RGS7: variants seen among roughly 807,000 people sequenced by gnomAD.
RGS7 encodes the protein regulator of G protein signaling 7, also known as regulator of G-protein signaling 7.
RGS7 carries 27 observed loss-of-function variants against 81.1 expected under a neutral mutation model. The ratio of observed to expected loss-of-function variants is 0.33; its 90% CI spans 0.25 to 0.46. The LOEUF (loss-of-function observed/expected upper bound fraction) is 0.46, where lower values mean the gene tolerates loss of function less well. Among genes scored for constraint, RGS7 ranks in the 20% least tolerant of loss-of-function variants. The pLI is 1.00. For synonymous variants in RGS7, 208 were observed against 207.7 expected (o/e 1.00, Z -0.01); for missense variants, 396 against 607.4 (o/e 0.65, Z 3.66).
chr1:240,821,752 C>T (rs1167994065), intron 10 of RGS7, among the ~76,000 whole-genome samples: 2 of 152,164 alleles, frequency 1.3e-5, no homozygotes, highest in African/African-American at 4.8e-5. Flanking sequence ...TTCACTGATG[C>T]TGTTAACTGT....
chr1:241,113,240 T>C (rs189014483), intron 2 of RGS7, among the ~76,000 whole-genome samples: 18 of 152,206 alleles, frequency 1.2e-4, no homozygotes, highest in African/African-American at 3.9e-4. Context: ...TATGAAGAAA[T>C]GAATAAAAAA....
chr1:241,215,684 A>G (rs1164533449), intron 2 of RGS7, among the ~76,000 whole-genome samples: 1 of 152,186 alleles, frequency 6.6e-6, no homozygotes, highest in Non-Finnish European at 1.5e-5. Context: ...ATTATTCGGG[A>G]AGTCCTCGTA....
At chr1:240,784,647 AAAAAAAAAAGATTTTTTTTTTTTTG>A (rs1216551755) in intron 18 of RGS7, among the ~76,000 whole-genome samples, 1 of 146,602 alleles carries the variant, frequency 6.8e-6, no homozygotes, top group African/African-American at 2.6e-5. Context: ...CTCCGCCTCA[AAAAAAAAAAGATTTTTTTTTTTTTG>A]AAAAAAAATT....
intron 17 of RGS7, 68 bp downstream of exon 17, chr1:240,801,387 G>T: frequency 9.6e-7 from 1 of 1,045,744 alleles, no homozygotes; most frequent in Non-Finnish European, 1.5e-6. Context: ...AACAGGGCTA[G>T]AAATAGGGAA....
intron 3 of RGS7, among the ~76,000 whole-genome samples, chr1:241,041,463 A>G (rs1158306549): frequency 1.3e-5 from 2 of 152,058 alleles, no homozygotes; most frequent in Non-Finnish European, 2.9e-5. Context: ...ACTTTCTCTC[A>G]TGAGTATTTT....
intron 10 of RGS7, among the ~76,000 whole-genome samples, chr1:240,819,462 C>T (rs552035722): frequency 8.5e-5 from 13 of 152,200 alleles, no homozygotes; most frequent in South Asian, 8.3e-4. Flanking sequence ...GATACGAGGC[C>T]GGGCGTGGTG....
At chr1:241,199,656 T>C (rs1382248792) in intron 2 of RGS7, among the ~76,000 whole-genome samples, 1 of 148,540 alleles carries the variant, frequency 6.7e-6, no homozygotes. Flanking sequence ...TCTAGTCCTC[T>C]TCCCTTTCAA....
chr1:241,213,719 G>T (rs2074383644), intron 2 of RGS7, among the ~76,000 whole-genome samples: 1 of 152,114 alleles, frequency 6.6e-6, no homozygotes, highest in Admixed American at 6.5e-5. Flanking sequence ...ACAATACTTT[G>T]TCATTAATGT....
intron 3 of RGS7, among the ~76,000 whole-genome samples, chr1:241,046,911 G>A (rs576747579): frequency 6.6e-6 from 1 of 152,140 alleles, no homozygotes; most frequent in East Asian, 1.9e-4. Context: ...ACGTTCTACT[G>A]CCCATAGATC....
chr1:241,025,017 T>C (rs1441486435), intron 3 of RGS7, among the ~76,000 whole-genome samples: 1 of 152,238 alleles, frequency 6.6e-6, no homozygotes, highest in African/African-American at 2.4e-5. Context: ...CCCTGGGAAT[T>C]TGCCTTTGGG....
rs554917680 is a variant in RGS7 at position 240,811,406 on chromosome 1, T to G, written c.1082+512A>C. On this transcript the variant is annotated intron_variant, in intron 14 of 18. Coordinates refer to ENST00000440928, the MANE Select transcript of RGS7 (RefSeq NM_001364886.1). ...TGTCACTCTCTCACGAACAGCTCAA[T>G]GCTGTGCTGCTCTCAATTGCCCTGT... is the stretch of plus-strand genomic sequence containing the variant. 2.6e-5 allele frequency among the ~76,000 whole-genome samples: 4 copies of G among 152,362 alleles called. No homozygotes were observed. The East Asian group carries it at 7.7e-4, about 29-fold the overall frequency.
chr1:240,897,378 T>G (rs1449261751), intron 6 of RGS7, among the ~76,000 whole-genome samples: 3 of 152,224 alleles, frequency 2.0e-5, no homozygotes, highest in Non-Finnish European at 4.4e-5. Context: ...AAGGGAATGC[T>G]TCCAGTTTTT....
chr1:240,944,800 G>A (rs1349989188), intron 4 of RGS7, among the ~76,000 whole-genome samples: 8 of 152,166 alleles, frequency 5.3e-5, no homozygotes, highest in African/African-American at 1.4e-4. Context: ...TGCAACCTCC[G>A]CCTTCCAGGT....
chr1:240,883,364 A>G (rs1666767627), intron 6 of RGS7, among the ~76,000 whole-genome samples: 1 of 152,204 alleles, frequency 6.6e-6, no homozygotes, highest in Non-Finnish European at 1.5e-5. Context: ...ACAAAAAACA[A>G]TGTCACTATA....
At chr1:240,924,249 T>G (rs1674055585) in intron 6 of RGS7, among the ~76,000 whole-genome samples, 1 of 152,222 alleles carries the variant, frequency 6.6e-6, no homozygotes, top group African/African-American at 2.4e-5. Flanking sequence ...TTATCATGTA[T>G]GAAAGATGTA....
intron 9 of RGS7, among the ~76,000 whole-genome samples, chr1:240,838,233 T>A (rs1002660807): frequency 6.6e-6 from 1 of 152,198 alleles, no homozygotes; most frequent in Non-Finnish European, 1.5e-5. Context: ...TGCTGTTTCC[T>A]CACATGGTGG....
intron 3 of RGS7, among the ~76,000 whole-genome samples, chr1:241,097,539 G>A (rs1222028686): frequency 6.6e-6 from 1 of 151,996 alleles, no homozygotes; most frequent in African/African-American, 2.4e-5. Context: ...CTTGATCCTG[G>A]TCATGAGGAA....
At chr1:240,810,588 A>T (rs898578587) in intron 14 of RGS7, among the ~76,000 whole-genome samples, 3 of 151,814 alleles carry the variant, frequency 2.0e-5, no homozygotes, top group African/African-American at 7.3e-5. Context: ...CTGGCACTAC[A>T]GGCATGTGCC....
intron 2 of RGS7, among the ~76,000 whole-genome samples, chr1:241,203,482 G>A (rs550035714): frequency 7.9e-5 from 12 of 152,026 alleles, no homozygotes; most frequent in East Asian, 1.9e-4. Context: ...TGCCCACCTC[G>A]GGCTCCCAAA....
Sources: gnomAD v4.1 joint callset for allele counts (sites outside exome capture counted in the v4.1 genomes callset) on GRCh38, gnomAD v4.1.1 for gene constraint, MANE v1.5 for transcripts, NCBI Gene and HGNC (gene_info 2026-07-23, HGNC 2026-07-21) for gene names.